SPATS2L: variants seen among roughly 807,000 people sequenced by gnomAD.
SPATS2L encodes the protein SPATS2-like protein.
SPATS2L carries 30 observed loss-of-function variants against 59.6 expected under a neutral mutation model. The observed-to-expected ratio is 0.50, with a 90% confidence interval of 0.38 to 0.68. The LOEUF (loss-of-function observed/expected upper bound fraction) is 0.68. Ranked by LOEUF, SPATS2L falls within the 30% of genes least tolerant of loss-of-function variation. SPATS2L has a pLI of 0.00. For synonymous variants in SPATS2L, 252 were observed against 263.5 expected (o/e 0.96, Z 0.42); for missense variants, 615 against 700.0 (o/e 0.88, Z 1.37).
chr2:200,378,518 C>A, intron 2 of SPATS2L: 1 of 410,934 alleles, frequency 2.4e-6, no homozygotes, highest in Non-Finnish European at 3.4e-6. Flanking sequence ...AGTGCCAGTG[C>A]GTTTAAGGCA....
At chr2:200,353,023 T>C (rs778886254) in intron 2 of SPATS2L, among the ~76,000 whole-genome samples, 38 of 152,204 alleles carry the variant, frequency 2.5e-4, no homozygotes, top group Non-Finnish European at 4.6e-4. Flanking sequence ...GTACTTTCTT[T>C]AAAAGGTTTG....
chr2:200,310,608 A>G (rs1195484982), intron 1 of SPATS2L, among the ~76,000 whole-genome samples: 1 of 152,200 alleles, frequency 6.6e-6, no homozygotes, highest in Non-Finnish European at 1.5e-5. Context: ...ATTGTTTAGT[A>G]TTGCACCAGA....
chr2:200,350,469 A>AAAATATATTATTT (rs2080682856), intron 2 of SPATS2L, among the ~76,000 whole-genome samples: 1 of 152,218 alleles, frequency 6.6e-6, no homozygotes, highest in South Asian at 2.1e-4. Context: ...GCCATTTTAA[A>AAAATATATTATTT]AAATATATTA....
chr2:200,351,315 T>C (rs1264229743), intron 2 of SPATS2L: 1 of 471,504 alleles, frequency 2.1e-6, no homozygotes, highest in Non-Finnish European at 4.4e-6. Context: ...TACAGAGGAA[T>C]GATGTTTGCT....
At chr2:200,439,937 T>G (rs2084575295) in intron 7 of SPATS2L, among the ~76,000 whole-genome samples, 1 of 152,256 alleles carries the variant, frequency 6.6e-6, no homozygotes, top group Admixed American at 6.5e-5. Context: ...TAAATACTAT[T>G]CTTTTCATTC....
At chr2:200,431,863 A>C (rs996023661) in intron 6 of SPATS2L, among the ~76,000 whole-genome samples, 9 of 152,256 alleles carry the variant, frequency 5.9e-5, no homozygotes, top group African/African-American at 2.2e-4. Context: ...CAACCAGCAC[A>C]ATTCATTTAT....
At chr2:200,430,628 CG>C (rs1178707562) in intron 6 of SPATS2L, among the ~76,000 whole-genome samples, 7 of 151,274 alleles carry the variant, frequency 4.6e-5, no homozygotes, top group African/African-American at 1.5e-4. Context: ...TCTTTAAAAA[CG>C]TGATTTAAAT....
intron 4 of SPATS2L, among the ~76,000 whole-genome samples, chr2:200,412,901 A>G (rs1216865560): frequency 2.6e-5 from 4 of 152,018 alleles, no homozygotes; most frequent in African/African-American, 9.7e-5. Context: ...AAAAATATAT[A>G]TATAAATTAG....
chr2:200,371,887 C>A (rs1051586915), intron 2 of SPATS2L, among the ~76,000 whole-genome samples: 1 of 152,170 alleles, frequency 6.6e-6, no homozygotes, highest in East Asian at 1.9e-4. Context: ...TTTGTGTCAT[C>A]GAACAGCTTC....
In SPATS2L at chr2:200,470,129, A is replaced by G. The variant is rs17532294; in HGVS notation, c.1060+113A>G. 0.29 allele frequency: 214,777 copies of G among 745,898 alleles called. 33,144 individuals are homozygous for G. The highest frequency in any genetic ancestry group is 0.39 in the Middle Eastern group (1,610 of 4,160). 46.2% of individuals were successfully genotyped at this position (745,898 alleles called of 1,614,324 possible). ...CCCCCAGGGGGCTAACGTGAGGTCTAAAGAGATTTAATGATCTAAGCTCAT... is the reference window on the plus strand; with the variant it reads ...CCCCCAGGGGGCTAACGTGAGGTCTGAAGAGATTTAATGATCTAAGCTCAT... On this transcript the variant is annotated intron_variant, in intron 11 of 12. Coordinates refer to ENST00000409140, the MANE Select transcript of SPATS2L (RefSeq NM_001100423.2).
At chr2:200,324,440 A>G (rs184508032) in intron 1 of SPATS2L, among the ~76,000 whole-genome samples, 17 of 152,228 alleles carry the variant, frequency 1.1e-4, no homozygotes, top group Non-Finnish European at 1.6e-4. Flanking sequence ...TTTGGAATCA[A>G]TTTCTAAATT....
At chr2:200,369,253 G>T (rs2081354349) in intron 2 of SPATS2L, among the ~76,000 whole-genome samples, 2 of 152,096 alleles carry the variant, frequency 1.3e-5, no homozygotes, top group African/African-American at 4.8e-5. Context: ...CTGCCTCCCA[G>T]ATTCAGGCAA....
chr2:200,412,288 CTTTT>C lies in SPATS2L; in HGVS notation c.40-13_40-10del, dbSNP rs748739547. The C allele has an allele frequency of 3.1e-5, 33 of 1,058,376 alleles. No homozygotes were observed. The highest frequency in any genetic ancestry group is 8.6e-5 in the East Asian group (3 of 34,890). 65.6% of individuals were successfully genotyped at this position (1,058,376 alleles called of 1,614,324 possible). A position where few individuals can be genotyped will look rare whatever the true frequency, so the allele number is the denominator to read the frequency against. ...ATTTAAAGTGTTCACATTTCTATTT[CTTTT>C]TTTTTTTTTCCTTTACAGATCTATG... On this transcript the variant is annotated intron_variant, in intron 3 of 12. Transcript: ENST00000409140.
At position 200,405,415 on chromosome 2, in the gene SPATS2L, C is replaced by CT. The variant is rs1483856933; in HGVS notation, c.40-6895dup. Among the ~76,000 whole-genome samples, 5 of 152,018 alleles carry CT rather than the reference C, an allele frequency of 3.3e-5. 1 individual carries two copies. Among genetic ancestry groups the CT allele is most frequent in the African/African-American group, 1.2e-4 (5 of 41,368 alleles). Reference sequence around the variant, plus strand: ...AAAAAGTTAGTTTTGATTTGTACCCCTGGTGTTAATTCCCCAAAAGTCAGC... The same window carrying CT: ...AAAAAGTTAGTTTTGATTTGTACCCCTTGGTGTTAATTCCCCAAAAGTCAGC... On this transcript the variant is annotated intron_variant, in intron 3 of 12. Coordinates refer to ENST00000409140, the MANE Select transcript of SPATS2L (RefSeq NM_001100423.2).
intron 2 of SPATS2L, among the ~76,000 whole-genome samples, chr2:200,385,991 C>T (rs1057466650): frequency 7.9e-5 from 12 of 152,222 alleles, no homozygotes; most frequent in African/African-American, 2.2e-4. Flanking sequence ...CGCACCCGGC[C>T]AACTTACAAT....
chr2:200,414,038 T>G (rs543249454), intron 4 of SPATS2L, among the ~76,000 whole-genome samples: 2 of 152,270 alleles, frequency 1.3e-5, no homozygotes, highest in African/African-American at 4.8e-5. Context: ...CAACATCACC[T>G]GCATGGAAAA....
At chr2:200,326,880 G>A (rs897528023) in intron 1 of SPATS2L, among the ~76,000 whole-genome samples, 23 of 149,094 alleles carry the variant, frequency 1.5e-4, no homozygotes, top group African/African-American at 2.5e-4. Context: ...GATTACAGGC[G>A]TGTGCCACCA....
intron 8 of SPATS2L, among the ~76,000 whole-genome samples, chr2:200,447,226 A>G (rs2085109116): frequency 6.6e-6 from 1 of 152,166 alleles, no homozygotes; most frequent in Non-Finnish European, 1.5e-5. Context: ...CTTGGGGGTT[A>G]TTCTTTTTCT....
intron 1 of SPATS2L, among the ~76,000 whole-genome samples, chr2:200,310,088 TGTCTCTA>T (rs1162710134): frequency 1.3e-5 from 2 of 152,258 alleles, no homozygotes; most frequent in Non-Finnish European, 2.9e-5. Flanking sequence ...TACAAATCTT[TGTCTCTA>T]GTACTGATCC....
Sources: allele counts gnomAD v4.1 joint callset (sites outside exome capture counted in the v4.1 genomes callset), GRCh38; gene constraint gnomAD v4.1.1; transcripts MANE v1.5; gene names NCBI Gene and HGNC (gene_info 2026-07-23, HGNC 2026-07-21).